PTPRG: variants seen among roughly 807,000 people sequenced by gnomAD.
PTPRG encodes protein tyrosine phosphatase receptor type G.
Under a neutral mutation model 165.3 loss-of-function variants are expected in PTPRG, and 102 were observed. That is an observed-to-expected ratio of 0.62 (90% CI 0.53 to 0.73). The LOEUF is 0.73. Ranked by LOEUF, PTPRG falls within the 30% of genes least tolerant of loss-of-function variation. The pLI, the probability that PTPRG is intolerant of heterozygous loss-of-function variation, is 0.00. For missense variants in PTPRG, 1,866 were observed against 1,861.4 expected (o/e 1.00, Z -0.05); for synonymous variants, 675 against 669.5 (o/e 1.01, Z -0.13).
chr3:62,119,327 T>A (rs1702976293), intron 5 of PTPRG, among the ~76,000 whole-genome samples: 2 of 152,200 alleles, frequency 1.3e-5, no homozygotes, highest in African/African-American at 4.8e-5. Context: ...TAGCAAACAT[T>A]TGGAATGGGC....
At chr3:61,678,127 G>A (rs761721013) in intron 1 of PTPRG, among the ~76,000 whole-genome samples, 1 of 152,118 alleles carries the variant, frequency 6.6e-6, no homozygotes, top group Admixed American at 6.6e-5. Context: ...AGCTCAGCTC[G>A]TGCTGTTTCC....
chr3:62,108,240 T>C (rs1238226292), intron 5 of PTPRG, among the ~76,000 whole-genome samples: 4 of 147,046 alleles, frequency 2.7e-5, no homozygotes, highest in African/African-American at 1.0e-4. Flanking sequence ...ATTTCCCCGC[T>C]GTATCCATGT....
intron 2 of PTPRG, among the ~76,000 whole-genome samples, chr3:61,979,517 A>G (rs1427440709): frequency 6.6e-6 from 1 of 152,192 alleles, no homozygotes; most frequent in Non-Finnish European, 1.5e-5. Context: ...GCTATTTTAG[A>G]TAGTTAGGTC....
rs143955382 is a variant in PTPRG, at chr3:61,984,988, C to T, written c.191-4637C>T. Among the ~76,000 whole-genome samples, 610 of 152,312 alleles carry T rather than the reference C, an allele frequency of 4.0e-3. 8 individuals are homozygous for T. The highest frequency in any genetic ancestry group is 0.014 in the African/African-American group (565 of 41,566). ...GAAAGAATACCACGGAGGTGATTTG[C>T]CCTTCTTACCACTTCCTGTCAGATG... On this transcript the variant is annotated intron_variant, in intron 2 of 29. Transcript: ENST00000474889.
chr3:61,850,066 A>G (rs555339268), intron 2 of PTPRG, among the ~76,000 whole-genome samples: 22 of 152,312 alleles, frequency 1.4e-4, no homozygotes, highest in African/African-American at 5.1e-4. Context: ...AAAAGCTAGC[A>G]CTAGTTTTGT....
chr3:62,047,353 G>A (rs112127090), intron 4 of PTPRG, among the ~76,000 whole-genome samples: 25 of 152,082 alleles, frequency 1.6e-4, no homozygotes, highest in Non-Finnish European at 2.1e-4. Context: ...TCCGCCTCCC[G>A]GGTTCAAGCA....
chr3:62,185,648 C>G (rs1449705130), intron 8 of PTPRG, among the ~76,000 whole-genome samples: 1 of 152,206 alleles, frequency 6.6e-6, no homozygotes, highest in Non-Finnish European at 1.5e-5. Context: ...CTCTCCTGCT[C>G]TAGCTCACCA....
chr3:62,193,355 T>G (rs768180537), intron 9 of PTPRG, among the ~76,000 whole-genome samples: 1 of 152,210 alleles, frequency 6.6e-6, no homozygotes, highest in Admixed American at 6.5e-5. Flanking sequence ...TAAATTAGTT[T>G]CAGAGAAAAA....
At chr3:62,018,199 A>AC (rs2041597635) in intron 4 of PTPRG, among the ~76,000 whole-genome samples, 1 of 152,218 alleles carries the variant, frequency 6.6e-6, no homozygotes, top group African/African-American at 2.4e-5. Context: ...GTGAATCTTA[A>AC]CCCAAATGTA....
At chr3:61,903,971 G>A (rs1207746367) in intron 2 of PTPRG, among the ~76,000 whole-genome samples, 1 of 152,136 alleles carries the variant, frequency 6.6e-6, no homozygotes, top group African/African-American at 2.4e-5. Context: ...AAACTTGTCA[G>A]CCAGAAAGAT....
chr3:62,254,641 T>C lies in PTPRG; in HGVS notation c.2468-483T>C, dbSNP rs1372325361. Among the ~76,000 whole-genome samples, 1 of 152,076 alleles carries C rather than the reference T, an allele frequency of 6.6e-6. No homozygotes were observed. The highest frequency in any genetic ancestry group is 1.9e-4 in the East Asian group (1 of 5,178). On this transcript the variant is annotated intron_variant, in intron 15 of 29. Coordinates refer to ENST00000474889, the MANE Select transcript of PTPRG (RefSeq NM_002841.4). The surrounding 1 kb of genome is among the most constrained non-coding windows in gnomAD (Gnocchi z 4.6). ...TGGTACAATGGCATCTATCTATAAT[T>C]GTGTATAAAGGATTGCTTAAAACTT...
At chr3:62,018,051 C>T (rs1190331166) in intron 4 of PTPRG, among the ~76,000 whole-genome samples, 1 of 152,170 alleles carries the variant, frequency 6.6e-6, no homozygotes, top group African/African-American at 2.4e-5. Context: ...TTTCCTTGGT[C>T]CAGTCCTCAT....
chr3:62,275,133 T>C (rs763547103), intron 23 of PTPRG, among the ~76,000 whole-genome samples: 9 of 152,040 alleles, frequency 5.9e-5, no homozygotes, highest in Non-Finnish European at 1.3e-4. Context: ...AAAAATAGGA[T>C]TGACAAAATG....
At chr3:62,057,756 CA>C (rs1700680212) in intron 4 of PTPRG, among the ~76,000 whole-genome samples, 1 of 152,078 alleles carries the variant, frequency 6.6e-6, no homozygotes, top group South Asian at 2.1e-4. Flanking sequence ...GTTAACATTC[CA>C]AAAAGGTAAT....
At chr3:61,591,298 G>C (rs1700563208) in intron 1 of PTPRG, among the ~76,000 whole-genome samples, 1 of 152,192 alleles carries the variant, frequency 6.6e-6, no homozygotes, top group African/African-American at 2.4e-5. Context: ...GGATACCCGA[G>C]GGCAAGATTC....
intron 1 of PTPRG, among the ~76,000 whole-genome samples, chr3:61,734,678 A>T (rs547083074): frequency 6.6e-6 from 1 of 152,302 alleles, no homozygotes; most frequent in Non-Finnish European, 1.5e-5. Flanking sequence ...CCCCAAAGAT[A>T]CAAAATGACT....
intron 2 of PTPRG, among the ~76,000 whole-genome samples, chr3:61,809,843 C>G (rs1017178088): frequency 6.6e-6 from 1 of 152,166 alleles, no homozygotes; most frequent in Non-Finnish European, 1.5e-5. Context: ...AGCGGGTGCA[C>G]AGCTATTGAA....
At chr3:61,565,868 C>T (rs1295912154) in intron 1 of PTPRG, among the ~76,000 whole-genome samples, 2 of 151,444 alleles carry the variant, frequency 1.3e-5, no homozygotes, top group African/African-American at 2.4e-5. Flanking sequence ...TCCGTTATGG[C>T]CTTAGGAAAA....
chr3:62,191,966 C>A (rs9852098), intron 9 of PTPRG, among the ~76,000 whole-genome samples: 1 of 152,200 alleles, frequency 6.6e-6, no homozygotes, highest in East Asian at 1.9e-4. Flanking sequence ...AGGCCCTTTT[C>A]ATCTGATGGG....
Sources: gnomAD v4.1 joint callset for allele counts (sites outside exome capture counted in the v4.1 genomes callset) on GRCh38, gnomAD v4.1.1 for gene constraint, Gnocchi (gnomAD v3.1) non-coding constraint, MANE v1.5 for transcripts, NCBI Gene and HGNC (gene_info 2026-07-23, HGNC 2026-07-21) for gene names.